Variants in ARB2A observed in about 807,000 individuals in gnomAD.
The protein encoded by ARB2A is cotranscriptional regulator ARB2A.
the ARB2A span, among the ~76,000 whole-genome samples, chr5:93,782,522 G>A: frequency 1.1e-4 from 16 of 152,076 alleles, no homozygotes; most frequent in East Asian, 2.1e-3. Context: ...ATGTCACCCC[G>A]TTTCCCTTTG....
At chr5:93,958,986 TA>T in the ARB2A span, 7 of 1,481,200 alleles carry the variant, frequency 4.7e-6, no homozygotes, top group Non-Finnish European at 6.4e-6. Flanking sequence ...TAAATAAAAT[TA>T]AATAATAAAT....
chr5:93,701,619 C>T, the ARB2A span, among the ~76,000 whole-genome samples: 1 of 151,786 alleles, frequency 6.6e-6, no homozygotes, highest in Non-Finnish European at 1.5e-5. Flanking sequence ...TAACATTTCC[C>T]ATGGAAATCA....
At chr5:93,710,285 G>C in the ARB2A span, among the ~76,000 whole-genome samples, 4 of 152,176 alleles carry the variant, frequency 2.6e-5, no homozygotes, top group Admixed American at 6.5e-5. Flanking sequence ...TAAAATTATA[G>C]AAATGTGAAA....
the ARB2A span, among the ~76,000 whole-genome samples, chr5:93,702,735 A>G: frequency 6.6e-6 from 1 of 152,246 alleles, no homozygotes; most frequent in East Asian, 1.9e-4. Context: ...CCTTCTTAAT[A>G]TGTTCCTTTC....
the ARB2A span, among the ~76,000 whole-genome samples, chr5:93,993,916 T>C: frequency 1.4e-4 from 21 of 152,084 alleles, no homozygotes; most frequent in African/African-American, 4.8e-4. Flanking sequence ...AAATAAATCA[T>C]CTTTTAAAAT....
chr5:93,957,778 T>C, the ARB2A span, among the ~76,000 whole-genome samples: 6 of 152,180 alleles, frequency 3.9e-5, no homozygotes, highest in Non-Finnish European at 8.8e-5. Flanking sequence ...GAGAACATGT[T>C]ACCTTTGACT....
At chr5:93,907,052 C>G in the ARB2A span, among the ~76,000 whole-genome samples, 1 of 151,274 alleles carries the variant, frequency 6.6e-6, no homozygotes, top group South Asian at 2.1e-4. Flanking sequence ...GTAAGGGTAA[C>G]CTCAAATTTA....
chr5:93,757,028 G>A, the ARB2A span, among the ~76,000 whole-genome samples: 1 of 152,072 alleles, frequency 6.6e-6, no homozygotes, highest in Non-Finnish European at 1.5e-5. Flanking sequence ...CTTAAAGAAA[G>A]GACAATCGAA....
the ARB2A span, among the ~76,000 whole-genome samples, chr5:93,696,254 C>T: frequency 7.9e-5 from 12 of 152,214 alleles, no homozygotes; most frequent in Non-Finnish European, 1.6e-4. Flanking sequence ...CTTTTATTTT[C>T]TTCCTTCTCC....
At chr5:93,774,483 A>T in the ARB2A span, among the ~76,000 whole-genome samples, 1 of 152,236 alleles carries the variant, frequency 6.6e-6, no homozygotes, top group African/African-American at 2.4e-5. Flanking sequence ...CATGGGCAGA[A>T]TGGTGAAAAA....
the ARB2A span, among the ~76,000 whole-genome samples, chr5:93,911,982 A>G: frequency 1.8e-4 from 27 of 151,882 alleles, no homozygotes; most frequent in Non-Finnish European, 3.8e-4. Context: ...CAGAACAAAT[A>G]ATTATATGAA....
chr5:93,793,201 T>C, the ARB2A span, among the ~76,000 whole-genome samples: 1 of 146,934 alleles, frequency 6.8e-6, no homozygotes, highest in Non-Finnish European at 1.5e-5. Context: ...ACCTACTGAA[T>C]GGTTACAACT....
At chr5:93,866,932 A>G in the ARB2A span, among the ~76,000 whole-genome samples, 1 of 152,220 alleles carries the variant, frequency 6.6e-6, no homozygotes, top group Non-Finnish European at 1.5e-5. Flanking sequence ...CATATTCTTT[A>G]TATAAAACAG....
At chr5:93,705,629 G>A in the ARB2A span, among the ~76,000 whole-genome samples, 2 of 146,722 alleles carry the variant, frequency 1.4e-5, no homozygotes, top group African/African-American at 5.3e-5. Flanking sequence ...GTGTGTGTGT[G>A]TGTGTGTGTG....
chr5:93,954,334 T>C, the ARB2A span, among the ~76,000 whole-genome samples: 1 of 151,864 alleles, frequency 6.6e-6, no homozygotes, highest in Non-Finnish European at 1.5e-5. Context: ...TTTAGTCAGG[T>C]GATGAATCCT....
chr5:93,868,896 C>A, the ARB2A span, among the ~76,000 whole-genome samples: 190 of 152,236 alleles, frequency 1.2e-3, no homozygotes, highest in African/African-American at 4.4e-3. Context: ...AATCGCATTT[C>A]GACTGCCTTA....
At chr5:93,782,718 T>C in the ARB2A span, among the ~76,000 whole-genome samples, 13 of 152,166 alleles carry the variant, frequency 8.5e-5, no homozygotes, top group Non-Finnish European at 1.8e-4. Flanking sequence ...AGGTAGGTAT[T>C]ATAGTTTACA....
chr5:93,834,404 C>T, the ARB2A span, among the ~76,000 whole-genome samples: 3 of 152,200 alleles, frequency 2.0e-5, no homozygotes, highest in Middle Eastern at 0.01. Flanking sequence ...ACTAGTGACA[C>T]ACAATTAAAT....
At chr5:93,867,200 T>C in the ARB2A span, among the ~76,000 whole-genome samples, 2 of 152,186 alleles carry the variant, frequency 1.3e-5, no homozygotes, top group East Asian at 1.9e-4. Context: ...GGTACTGATA[T>C]TATTATTGCT....
Sources: allele counts gnomAD v4.1 joint callset (sites outside exome capture counted in the v4.1 genomes callset), GRCh38; gene constraint gnomAD v4.1.1; transcripts MANE v1.5; gene names NCBI Gene and HGNC (gene_info 2026-07-23, HGNC 2026-07-21).